ENOX1: variants seen among roughly 807,000 people sequenced by gnomAD.
ENOX1 encodes the protein candidate growth-related and time keeping constitutive hydroquinone (NADH) oxidase.
A neutral mutation model predicts 82.5 loss-of-function variants in ENOX1; 42 were observed. The ratio of observed to expected loss-of-function variants is 0.51; its 90% CI spans 0.40 to 0.66. The LOEUF (loss-of-function observed/expected upper bound fraction) is 0.66. ENOX1 is among the 30% of genes least tolerant of loss of function. The pLI is 0.00. For missense variants in ENOX1, 608 were observed against 811.6 expected (o/e 0.75, Z 3.05); for synonymous variants, 271 against 282.2 (o/e 0.96, Z 0.40).
intron 2 of ENOX1, among the ~76,000 whole-genome samples, chr13:43,503,962 G>C (rs1593523418): frequency 6.6e-6 from 1 of 151,586 alleles, no homozygotes; most frequent in East Asian, 1.9e-4. Context: ...ATCTAATAAA[G>C]GGTTAATGTC....
intron 12 of ENOX1, among the ~76,000 whole-genome samples, chr13:43,297,988 G>A (rs188063386): frequency 4.9e-4 from 75 of 152,354 alleles, no homozygotes; most frequent in Non-Finnish European, 9.6e-4. Context: ...AAAATCAGTT[G>A]TCGTGCTTTG....
chr13:43,420,388 AC>A (rs954129890), intron 3 of ENOX1, among the ~76,000 whole-genome samples: 1 of 152,174 alleles, frequency 6.6e-6, no homozygotes, highest in African/African-American at 2.4e-5. Context: ...TAAAATTCTC[AC>A]TATCATCTTT....
At chr13:43,447,671 A>C (rs1242514907) in intron 3 of ENOX1, among the ~76,000 whole-genome samples, 1 of 152,144 alleles carries the variant, frequency 6.6e-6, no homozygotes, top group Non-Finnish European at 1.5e-5. Flanking sequence ...AATGTACATG[A>C]GCATAAAACA....
At chr13:43,314,697 C>CA (rs2047383887) in intron 11 of ENOX1, among the ~76,000 whole-genome samples, 1 of 152,204 alleles carries the variant, frequency 6.6e-6, no homozygotes, top group Admixed American at 6.5e-5. Flanking sequence ...GTTACAGTCA[C>CA]ACTTCAAGAT....
intron 14 of ENOX1, among the ~76,000 whole-genome samples, chr13:43,246,634 A>G (rs886297995): frequency 1.3e-5 from 2 of 152,202 alleles, no homozygotes; most frequent in Non-Finnish European, 2.9e-5. Flanking sequence ...GCTGGGGCCA[A>G]TGAAGAAGAA....
chr13:43,420,433 G>C (rs2054905346), intron 3 of ENOX1, among the ~76,000 whole-genome samples: 4 of 152,304 alleles, frequency 2.6e-5, no homozygotes, highest in Admixed American at 2.6e-4. Context: ...GACATTCTCT[G>C]ATTATTGTAG....
At chr13:43,532,323 T>C (rs983147370) in intron 2 of ENOX1, among the ~76,000 whole-genome samples, 1 of 152,182 alleles carries the variant, frequency 6.6e-6, no homozygotes. Flanking sequence ...AACAATGCAC[T>C]GTGGACTTTT....
chr13:43,318,060 G>C (rs1179036200), intron 11 of ENOX1, among the ~76,000 whole-genome samples: 1 of 151,858 alleles, frequency 6.6e-6, no homozygotes, highest in Non-Finnish European at 1.5e-5. Flanking sequence ...ATGAAAAATT[G>C]ACAGCTCAGA....
At chr13:43,724,194 C>T (rs550298916) in intron 1 of ENOX1, among the ~76,000 whole-genome samples, 1 of 152,318 alleles carries the variant, frequency 6.6e-6, no homozygotes, top group African/African-American at 2.4e-5. Flanking sequence ...TACTTTGCCT[C>T]TCCACCAGTC....
At chr13:43,576,304 C>G (rs141652198) in intron 2 of ENOX1, among the ~76,000 whole-genome samples, 1 of 152,328 alleles carries the variant, frequency 6.6e-6, no homozygotes, top group African/African-American at 2.4e-5. Flanking sequence ...ACTCAATCCA[C>G]TTGCCGCTAT....
chr13:43,325,489 T>C (rs1344171550), intron 10 of ENOX1, among the ~76,000 whole-genome samples: 1 of 152,238 alleles, frequency 6.6e-6, no homozygotes, highest in Non-Finnish European at 1.5e-5. Flanking sequence ...CTTAAAATGC[T>C]ACCCAAATGA....
intron 14 of ENOX1, among the ~76,000 whole-genome samples, chr13:43,243,135 CAAA>C (rs748084568): frequency 0.012 from 1,017 of 81,520 alleles, 9 homozygotes; most frequent in African/African-American, 0.044. Flanking sequence ...GACTCTGTCT[CAAA>C]AAAAAAAAAA....
intron 3 of ENOX1, among the ~76,000 whole-genome samples, chr13:43,448,396 A>C (rs2056775709): frequency 6.6e-6 from 1 of 152,270 alleles, no homozygotes; most frequent in African/African-American, 2.4e-5. Flanking sequence ...CAAACGGCAA[A>C]TAAAGATTAA....
intron 5 of ENOX1, among the ~76,000 whole-genome samples, chr13:43,365,071 C>T (rs2050762792): frequency 6.6e-6 from 1 of 152,218 alleles, no homozygotes; most frequent in Non-Finnish European, 1.5e-5. Flanking sequence ...CAGAGATGCA[C>T]CCTGCCAGGC....
At chr13:43,556,165 C>G (rs2079427557) in intron 2 of ENOX1, among the ~76,000 whole-genome samples, 1 of 151,932 alleles carries the variant, frequency 6.6e-6, no homozygotes, top group African/African-American at 2.4e-5. Flanking sequence ...TTAATCGCTC[C>G]CATTCTCTTT....
chr13:43,638,311 A>G (rs908610756), intron 2 of ENOX1, among the ~76,000 whole-genome samples: 2 of 152,230 alleles, frequency 1.3e-5, no homozygotes, highest in African/African-American at 4.8e-5. Context: ...TATTGAAAAC[A>G]GCATCTCAGC....
At chr13:43,376,515 G>A (rs1381890168) in intron 5 of ENOX1, among the ~76,000 whole-genome samples, 2 of 152,162 alleles carry the variant, frequency 1.3e-5, no homozygotes, top group Admixed American at 6.5e-5. Flanking sequence ...TAGGCTTCAC[G>A]CTTCAAGAGG....
intron 1 of ENOX1, among the ~76,000 whole-genome samples, chr13:43,677,263 C>T (rs1019093578): frequency 4.6e-5 from 7 of 152,072 alleles, no homozygotes; most frequent in East Asian, 3.9e-4. Flanking sequence ...AGGAAAAGCC[C>T]GAGTCAGTCA....
At chr13:43,573,482 T>C (rs556917813) in intron 2 of ENOX1, among the ~76,000 whole-genome samples, 21 of 152,226 alleles carry the variant, frequency 1.4e-4, no homozygotes, top group Non-Finnish European at 1.6e-4. Flanking sequence ...CTCACTACCA[T>C]ACGTGCATTC....
Sources: allele counts gnomAD v4.1 joint callset (sites outside exome capture counted in the v4.1 genomes callset), GRCh38; gene constraint gnomAD v4.1.1; transcripts MANE v1.5; gene names NCBI Gene and HGNC (gene_info 2026-07-23, HGNC 2026-07-21).